The following TEX11 variants were observed in gnomAD, a reference collection of about 807,000 sequenced individuals.
TEX11 encodes testis-expressed protein 11.
TEX11 carries 7 observed loss-of-function variants against 84.4 expected under a neutral mutation model. That is an observed-to-expected ratio of 0.08 (90% confidence interval 0.05 to 0.16). The LOEUF is 0.16. Among genes scored for constraint, TEX11 ranks in the 10% least tolerant of loss-of-function variants. The pLI, the probability that TEX11 is intolerant of heterozygous loss-of-function variation, is 1.00. For synonymous variants in TEX11, 264 were observed against 222.8 expected (o/e 1.18, Z -1.64); for missense variants, 551 against 660.5 (o/e 0.83, Z 1.82).
chrX:70,726,857 A>G, intron 11 of TEX11, among the ~76,000 whole-genome samples: 1 of 99,372 alleles, frequency 1.0e-5, no homozygotes, highest in East Asian at 3.3e-4. Flanking sequence ...TATTTGAGAC[A>G]GAGTCTCACT....
intron 10 of TEX11, among the ~76,000 whole-genome samples, chrX:70,741,366 C>A (rs2090732914): frequency 9.0e-6 from 1 of 111,542 alleles, no homozygotes. Context: ...ATACAAAGCT[C>A]AAAAACAGTC....
At chrX:70,655,896 T>C (rs2089860185) in intron 16 of TEX11, among the ~76,000 whole-genome samples, 1 of 111,479 alleles carries the variant, frequency 9.0e-6, no homozygotes. Context: ...TCATATTTAA[T>C]GGCAATTTAT....
intron 13 of TEX11, among the ~76,000 whole-genome samples, chrX:70,712,536 T>C (rs993312063): frequency 2.7e-5 from 3 of 111,574 alleles, no homozygotes; most frequent in African/African-American, 9.8e-5. Context: ...CTAGGTATTT[T>C]ATTCTCTTTG....
chrX:70,627,983 C>A (rs1433568725), intron 18 of TEX11, among the ~76,000 whole-genome samples: 2 of 111,403 alleles, frequency 1.8e-5, no homozygotes, highest in Non-Finnish European at 1.9e-5. Flanking sequence ...AATCCCAGCA[C>A]TTTGGGAGGC....
intron 2 of TEX11, among the ~76,000 whole-genome samples, chrX:70,886,504 T>C (rs1569461081): frequency 2.7e-5 from 3 of 111,362 alleles, no homozygotes; most frequent in Admixed American, 9.6e-5. Context: ...GAATAAGCAA[T>C]ACAGATCTGC....
chrX:70,776,488 G>A (rs1032201854), intron 9 of TEX11, among the ~76,000 whole-genome samples: 3 of 108,613 alleles, frequency 2.8e-5, no homozygotes, highest in Non-Finnish European at 3.8e-5. Flanking sequence ...ATCTGAGCCC[G>A]GAAAGTTGAG....
At chrX:70,619,933 C>T (rs188632952) in intron 20 of TEX11, among the ~76,000 whole-genome samples, 261 of 109,460 alleles carry the variant, frequency 2.4e-3, no homozygotes, top group African/African-American at 7.9e-3. Context: ...CTCAGCCTCC[C>T]GAGTAGCTGG....
At chrX:70,892,504 G>T (rs927068853) in intron 2 of TEX11, among the ~76,000 whole-genome samples, 20 of 111,699 alleles carry the variant, frequency 1.8e-4, no homozygotes, top group Non-Finnish European at 3.2e-4. Flanking sequence ...GGAGGCTGAG[G>T]CGGGTGGATC....
intron 3 of TEX11, among the ~76,000 whole-genome samples, chrX:70,876,158 A>G (rs1395865032): frequency 1.8e-5 from 2 of 112,595 alleles, no homozygotes; most frequent in Non-Finnish European, 3.7e-5. Flanking sequence ...TGTTTATTTT[A>G]AAATGTTGGG....
intron 13 of TEX11, among the ~76,000 whole-genome samples, chrX:70,704,023 G>A (rs2090347799): frequency 9.1e-6 from 1 of 109,662 alleles, no homozygotes; most frequent in East Asian, 2.9e-4. Flanking sequence ...CCATCCCTTT[G>A]GTGCTATTCT....
intron 8 of TEX11, among the ~76,000 whole-genome samples, chrX:70,820,729 CACTT>C (rs2091314088): frequency 9.0e-6 from 1 of 111,134 alleles, no homozygotes; most frequent in Middle Eastern, 4.6e-3. Flanking sequence ...AGTGAGAACT[CACTT>C]ACTATTGTGA....
At chrX:70,516,618 C>G in the TEX11 span, among the ~76,000 whole-genome samples, 1 of 111,069 alleles carries the variant, frequency 9.0e-6, no homozygotes, top group African/African-American at 3.3e-5. Context: ...TTTTTTGGTT[C>G]CATATGAACT....
At chrX:70,618,858 G>A (rs904206662) in intron 20 of TEX11, among the ~76,000 whole-genome samples, 2 of 111,687 alleles carry the variant, frequency 1.8e-5, no homozygotes, top group Admixed American at 9.5e-5. Context: ...TAGTTAGAAA[G>A]GGAAGCCGGA....
chrX:70,732,305 G>C (rs960922119), intron 11 of TEX11, among the ~76,000 whole-genome samples: 2 of 111,426 alleles, frequency 1.8e-5, no homozygotes, highest in African/African-American at 6.5e-5. Flanking sequence ...TCTGGCCGGG[G>C]CAATCAGGCA....
chrX:70,606,915 CTTG>C (rs775960235), intron 23 of TEX11, 41 bp downstream of exon 23: 4 of 916,245 alleles, frequency 4.4e-6, no homozygotes, highest in Admixed American at 2.7e-5. Context: ...TGGTTATAGC[CTTG>C]TTGTGGTCCA....
At chrX:70,576,464 C>T (rs1361393550) in intron 25 of TEX11, among the ~76,000 whole-genome samples, 1 of 111,925 alleles carries the variant, frequency 8.9e-6, no homozygotes, top group East Asian at 2.8e-4. Context: ...TATTAAAGTA[C>T]TATGTATTCA....
chrX:70,589,291 A>G (rs2088894977), intron 25 of TEX11, among the ~76,000 whole-genome samples: 1 of 107,763 alleles, frequency 9.3e-6, no homozygotes, highest in Non-Finnish European at 1.9e-5. Flanking sequence ...AGTTAAAAAA[A>G]CTCTGAAGAT....
At chrX:70,623,870 TCTCTG>T in intron 20 of TEX11, 75 bp downstream of exon 20, 1 of 892,368 alleles carries the variant, frequency 1.1e-6, no homozygotes, top group South Asian at 2.7e-5. Context: ...ACACTAAGTA[TCTCTG>T]AATATATGAT....
At chrX:70,723,611 T>C (rs924196873) in intron 12 of TEX11, among the ~76,000 whole-genome samples, 1 of 112,019 alleles carries the variant, frequency 8.9e-6, no homozygotes, top group Non-Finnish European at 1.9e-5. Context: ...CCAGGCATTG[T>C]GCTTTGTGCT....
Sources: gnomAD v4.1 joint callset for allele counts (sites outside exome capture counted in the v4.1 genomes callset) on GRCh38, gnomAD v4.1.1 for gene constraint, MANE v1.5 for transcripts, NCBI Gene and HGNC (gene_info 2026-07-23, HGNC 2026-07-21) for gene names.